Variants in B9D2 observed in about 807,000 individuals in gnomAD.
B9D2 encodes the protein B9 domain containing 2, also known as B9 domain-containing protein 2.
Under a neutral mutation model 19.2 loss-of-function variants are expected in B9D2, and 21 were observed. That is an observed-to-expected ratio of 1.09 (90% CI 0.78 to 1.58). The LOEUF (loss-of-function observed/expected upper bound fraction) is 1.58. Ranked by LOEUF, B9D2 falls within the 40% of genes most tolerant of loss-of-function variation. The pLI is 0.00. For missense variants in B9D2, 221 were observed against 244.3 expected (o/e 0.90, Z 0.64); for synonymous variants, 91 against 100.6 (o/e 0.90, Z 0.57).
intron 3 of B9D2, among the ~76,000 whole-genome samples, chr19:41,357,481 G>A (rs368316508): frequency 5.3e-5 from 8 of 152,224 alleles, no homozygotes; most frequent in South Asian, 2.1e-4. Flanking sequence ...TTCTGATGCC[G>A]CTCCTCCCCC....
At chr19:41,355,145 C>G in intron 3 of B9D2, 132 bp from the exon 4 acceptor site, 6 of 936,754 alleles carry the variant, frequency 6.4e-6, no homozygotes, top group Non-Finnish European at 9.3e-6. Flanking sequence ...CCCAGAGTTT[C>G]CAACCCAGCC....
At position 41,363,511 on chromosome 19, in the gene B9D2, C is replaced by G. The variant is rs778986491; in HGVS notation, c.9G>C (p.Glu3Asp). ...CTATGATCTGCCCGATCACGTGCACCTCAGCCATGGCCCTGGGAGGGGAAA... is the reference window on the plus strand; with the variant it reads ...CTATGATCTGCCCGATCACGTGCACGTCAGCCATGGCCCTGGGAGGGGAAA... MA[E>D]VHVIGQIIGA... Residue 3 changes from glutamate to aspartate, a missense_variant, in exon 2 of 4, where the codon GAG becomes GAC. Transcript: ENST00000243578. 4.3e-6 allele frequency: 7 copies of G among 1,613,970 alleles called. No individual in the cohort carries two copies. In the Admixed American group the frequency reaches 8.3e-5, roughly 19 times the overall value.
Position 41,354,719 on chromosome 19 carries a change from C to G in B9D2, c.509G>C (p.Arg170Pro), listed in dbSNP as rs770180138. 2 of 1,613,910 alleles carry G rather than the reference C, an allele frequency of 1.2e-6. No individual in the cohort carries two copies. Among genetic ancestry groups the G allele is most frequent in the African/African-American group, 1.3e-5 (1 of 74,924 alleles). ...AGTCCCTCAGCACTCCACGCCGTAG[C>G]GGTCGAAGTTGCGGAGCAGCAGGCC... Reference protein sequence around the residue: ...EIGLLLRNFDRYGVEC With the variant: ...EIGLLLRNFDPYGVEC Residue 170 changes from arginine (R) to proline (P), a missense_variant, in exon 4 of 4, where the codon CGC becomes CCC. Arg to Pro is a moderately radical substitution (Grantham distance 103). Transcript: ENST00000243578.
chr19:41,356,953 C>T (rs2038323681), intron 3 of B9D2, among the ~76,000 whole-genome samples: 1 of 152,152 alleles, frequency 6.6e-6, no homozygotes. Flanking sequence ...CAAGGCCCTG[C>T]ATGGCCTGTC....
Position 41,363,423 on chromosome 19 carries a change from G to A in B9D2, c.88+9C>T. ...TTGGTGTGGAAATGAACCAGGCTTG[G>A]GGGAATACCTGTGTGAATGCCCCAC... On this transcript the variant is annotated intron_variant, in intron 2 of 3. Coordinates refer to ENST00000243578, the MANE Select transcript of B9D2 (RefSeq NM_030578.4). 1 of 1,613,834 alleles carries A rather than the reference G, an allele frequency of 6.2e-7. No homozygotes were observed. Among genetic ancestry groups the A allele is most frequent in the Non-Finnish European group, 8.5e-7 (1 of 1,179,774 alleles).
chr19:41,362,534 A>C (rs567956897), intron 2 of B9D2, among the ~76,000 whole-genome samples: 1 of 152,300 alleles, frequency 6.6e-6, no homozygotes, highest in South Asian at 2.1e-4. Flanking sequence ...AGCCAGGCAA[A>C]CACTGAATGA....
chr19:41,357,758 C>T, intron 3 of B9D2, 139 bp downstream of exon 3: 1 of 1,318,270 alleles, frequency 7.6e-7, no homozygotes, highest in Non-Finnish European at 1.1e-6. Context: ...TCAGCCTCTC[C>T]AGGGCCAGAC....
intron 2 of B9D2, chr19:41,363,186 C>T: frequency 3.7e-6 from 2 of 547,572 alleles, no homozygotes; most frequent in East Asian, 6.4e-5. Flanking sequence ...TTCGAGGCTG[C>T]ACTGAGCTAT....
chr19:41,358,169 T>C, intron 2 of B9D2, 147 bp from the exon 3 acceptor site: 10 of 1,253,938 alleles, frequency 8.0e-6, no homozygotes, highest in Non-Finnish European at 1.1e-5. Context: ...GTTCAAATCC[T>C]GGCACTACCT....
intron 2 of B9D2, among the ~76,000 whole-genome samples, chr19:41,358,442 C>A (rs539404499): frequency 2.0e-5 from 3 of 152,092 alleles, no homozygotes; most frequent in African/African-American, 7.2e-5. Flanking sequence ...AGTGTGCTAA[C>A]ATGCCACTCA....
At chr19:41,356,660 T>C (rs1452207483) in intron 3 of B9D2, among the ~76,000 whole-genome samples, 2 of 151,630 alleles carry the variant, frequency 1.3e-5, no homozygotes, top group African/African-American at 4.9e-5. Context: ...CCTGACCACC[T>C]TGGTGAAACG....
chr19:41,361,266 G>C (rs149851952), intron 2 of B9D2: 1 of 152,326 alleles, frequency 6.6e-6, no homozygotes, highest in Non-Finnish European at 1.5e-5. Context: ...GGAAGCACCA[G>C]GCCCTGCGTC....
At position 41,354,522 on chromosome 19, in the gene B9D2, A is replaced by G; in HGVS notation, c.*178T>C. On this transcript the variant is annotated 3_prime_UTR_variant, in exon 4 of 4. Coordinates refer to ENST00000243578, the MANE Select transcript of B9D2 (RefSeq NM_030578.4). ...TACATTTACTGTCCCCAATTTACAG[A>G]TAGGGAAACTGGGCCCAGAGGGACC... 1.3e-6 allele frequency: 1 copy of G among 781,230 alleles called. No individual in the cohort carries two copies. The allele number at this position is 781,230 out of a possible 1,614,324, so 48.4% of individuals were successfully genotyped here. A position where few individuals can be genotyped will look rare whatever the true frequency, so the allele number is the denominator to read the frequency against.
At chr19:41,355,229 C>A (rs1351906824) in intron 3 of B9D2, among the ~76,000 whole-genome samples, 2 of 152,312 alleles carry the variant, frequency 1.3e-5, no homozygotes, top group Admixed American at 1.3e-4. Context: ...CCATGTTACT[C>A]CCCTGCTAAG....
At chr19:41,362,323 G>A (rs2123143442) in intron 2 of B9D2, among the ~76,000 whole-genome samples, 1 of 134,868 alleles carries the variant, frequency 7.4e-6, no homozygotes, top group Admixed American at 8.4e-5. Flanking sequence ...CTGGAAGGCT[G>A]AGCTAGATTG....
chr19:41,361,444 T>C (rs1170274384), intron 2 of B9D2, among the ~76,000 whole-genome samples: 1 of 152,064 alleles, frequency 6.6e-6, no homozygotes, highest in East Asian at 1.9e-4. Context: ...GCTGGAGGGT[T>C]CCGATTTCCT....
At chr19:41,361,188 C>G (rs531900758) in intron 2 of B9D2, 27 of 152,238 alleles carry the variant, frequency 1.8e-4, no homozygotes, top group Admixed American at 1.1e-3. Context: ...GCTGGATCAA[C>G]ATCCCCAGCA....
At position 41,363,422 on chromosome 19, in the gene B9D2, G is replaced by A; in HGVS notation, c.88+10C>T. ...CTTGGTGTGGAAATGAACCAGGCTT[G>A]GGGGAATACCTGTGTGAATGCCCCA... On this transcript the variant is annotated intron_variant, in intron 2 of 3. Transcript: ENST00000243578. 6.2e-7 allele frequency: 1 copy of A among 1,613,524 alleles called. No homozygotes were observed. Among genetic ancestry groups the A allele is most frequent in the Non-Finnish European group, 8.5e-7 (1 of 1,179,518 alleles).
intron 2 of B9D2, among the ~76,000 whole-genome samples, chr19:41,362,121 C>T (rs1486029438): frequency 2.0e-5 from 3 of 148,278 alleles, no homozygotes; most frequent in African/African-American, 7.5e-5. Flanking sequence ...CAGTGGCTCA[C>T]GCCTGTAATC....
Sources: allele counts gnomAD v4.1 joint callset (sites outside exome capture counted in the v4.1 genomes callset), GRCh38; gene constraint gnomAD v4.1.1; transcripts MANE v1.5; gene names NCBI Gene and HGNC (gene_info 2026-07-23, HGNC 2026-07-21).